SYNE1: variants seen among roughly 807,000 people sequenced by gnomAD.
SYNE1 encodes the protein nesprin-1.
SYNE1 carries 616 observed loss-of-function variants against 1,111.0 expected under a neutral mutation model. The observed-to-expected ratio is 0.55, with a 90% CI of 0.52 to 0.59. The LOEUF (loss-of-function observed/expected upper bound fraction) is 0.59, where lower values mean the gene tolerates loss of function less well. Among genes scored for constraint, SYNE1 ranks in the 20% least tolerant of loss-of-function variants. The pLI is 0.00. For synonymous variants in SYNE1, 3,855 were observed against 3,825.8 expected (o/e 1.01, Z -0.28); for missense variants, 10,006 against 10,417.0 (o/e 0.96, Z 1.72).
Position 152,350,626 on chromosome 6 carries a change from T to C in SYNE1, c.11725A>G (p.Ile3909Val). 3 of 1,614,220 alleles carry C rather than the reference T, an allele frequency of 1.9e-6. No individual in the cohort carries two copies. The South Asian group carries it at 3.3e-5, about 18-fold the overall frequency. Residue 3909 changes from isoleucine to valine, a missense_variant, in exon 71 of 146, where the codon ATA becomes GTA. Ile to Val is a conservative substitution (Grantham distance 29, BLOSUM62 3). Transcript: ENST00000367255. ...CTTTCATCTCTCCTTACCTTTCCTA[T>C]GCTGCACAGGTCCTGGTAATCACTT... ...LQSDYQDLCS[I>V]GKEHVFSLEA...
rs1290627597 is a variant in SYNE1 at position 152,254,863 on chromosome 6, G to A, written c.19470+17C>T. 6 of 1,606,798 alleles carry A rather than the reference G, an allele frequency of 3.7e-6. No homozygotes were observed. The East Asian group carries it at 1.1e-4, about 30-fold the overall frequency. ...CCTAGAGAATGGTCACGTATCCTTTGATAATATCTTACTTACCTGGAAATT... is the reference window on the plus strand; with the variant it reads ...CCTAGAGAATGGTCACGTATCCTTTAATAATATCTTACTTACCTGGAAATT... On this transcript the variant is annotated intron_variant, in intron 104 of 145. Transcript: ENST00000367255.
chr6:152,151,108 G>A (rs1396664109), intron 135 of SYNE1, among the ~76,000 whole-genome samples: 1 of 151,978 alleles, frequency 6.6e-6, no homozygotes, highest in Non-Finnish European at 1.5e-5. Flanking sequence ...TGTAATCTCA[G>A]CTCCTTGGCA....
chr6:152,604,998 AAGAAAGAAAG>A (rs1359778692), intron 3 of SYNE1, among the ~76,000 whole-genome samples: 169 of 26,860 alleles, frequency 6.3e-3, no homozygotes, highest in Middle Eastern at 0.025. Context: ...GAAAGAAAGA[AAGAAAGAAAG>A]AGAGAGAGAG....
chr6:152,361,472 C>T (rs992772553), intron 64 of SYNE1, among the ~76,000 whole-genome samples: 1 of 152,118 alleles, frequency 6.6e-6, no homozygotes, highest in African/African-American at 2.4e-5. Flanking sequence ...GGACCTAGTG[C>T]CAGATGCAAA....
chr6:152,330,797 A>C lies in SYNE1; in HGVS notation c.13888T>G (p.Leu4630Val). Residue 4630 changes from leucine (L) to valine (V), a missense_variant, in exon 78 of 146, where the codon TTA (leucine) becomes GTA (valine). This residue lies in a region of SYNE1 where 4,955 missense variants were observed against 5,017.2 expected (regional missense o/e 0.99). Coordinates refer to ENST00000367255, the MANE Select transcript of SYNE1 (RefSeq NM_182961.4). ...LTLQRTGQTI[L>V]PSLNEVDHSY... ...TGATCGACTTCATTCAGCGATGGTAATATGGTCTGCCCAGTTCTCTGCAGC... is the reference window on the plus strand; with the variant it reads ...TGATCGACTTCATTCAGCGATGGTACTATGGTCTGCCCAGTTCTCTGCAGC... 1 of 1,613,922 alleles carries C rather than the reference A, an allele frequency of 6.2e-7. No individual in the cohort carries two copies. The highest frequency in any genetic ancestry group is 8.5e-7 in the Non-Finnish European group (1 of 1,180,038).
intron 104 of SYNE1, among the ~76,000 whole-genome samples, chr6:152,251,607 A>T (rs2089281882): frequency 6.6e-6 from 1 of 151,546 alleles, no homozygotes; most frequent in African/African-American, 2.4e-5. Context: ...AAATACAAAA[A>T]AATTAGCCGG....
chr6:152,309,723 G>C (rs1261686881), intron 90 of SYNE1, 112 bp downstream of exon 90: 4 of 1,388,402 alleles, frequency 2.9e-6, no homozygotes, highest in Non-Finnish European at 4.0e-6. Context: ...ACAACAGCCT[G>C]TCAGATTCAA....
rs1442770999 is a variant in SYNE1 at position 152,369,461 on chromosome 6, G to A, written c.9651+10C>T. 6.2e-7 allele frequency: 1 copy of A among 1,614,066 alleles called. No homozygotes were observed. Among genetic ancestry groups the A allele is most frequent in the South Asian group, 1.1e-5 (1 of 91,074 alleles). ...GGTCAGATGGGGCTACGGGGAGGCGGGCTCATCACCTGGAGCTTCTGCTGC... is the reference window on the plus strand; with the variant it reads ...GGTCAGATGGGGCTACGGGGAGGCGAGCTCATCACCTGGAGCTTCTGCTGC... On this transcript the variant is annotated intron_variant, in intron 60 of 145. Coordinates refer to ENST00000367255, the MANE Select transcript of SYNE1 (RefSeq NM_182961.4).
chr6:152,235,861 C>T (rs1380159410), intron 110 of SYNE1, among the ~76,000 whole-genome samples: 1 of 152,148 alleles, frequency 6.6e-6, no homozygotes, highest in African/African-American at 2.4e-5. Context: ...CCCACTTCAG[C>T]CTCTCCAATA....
intron 10 of SYNE1, among the ~76,000 whole-genome samples, chr6:152,500,153 C>T (rs6557233): frequency 0.013 from 1,994 of 152,224 alleles, 41 homozygotes; most frequent in African/African-American, 0.045. Context: ...AAGGACTTCA[C>T]GTATAAAAAC....
chr6:152,497,729 C>T (rs978808701), intron 11 of SYNE1, among the ~76,000 whole-genome samples: 3 of 152,162 alleles, frequency 2.0e-5, no homozygotes, highest in South Asian at 2.1e-4. Flanking sequence ...AGAAGGATGT[C>T]GCTATTTATA....
At chr6:152,539,884 AT>A in intron 4 of SYNE1, 75 bp downstream of exon 4, 2 of 1,469,100 alleles carry the variant, frequency 1.4e-6, no homozygotes, top group South Asian at 2.3e-5. Context: ...GGACAGAAGC[AT>A]TTTGTTATAC....
intron 4 of SYNE1, among the ~76,000 whole-genome samples, chr6:152,530,465 A>G (rs1359532618): frequency 8.5e-6 from 1 of 117,724 alleles, no homozygotes; most frequent in African/African-American, 3.0e-5. Context: ...ACCTAATTGT[A>G]TGGTTTTTTT....
intron 8 of SYNE1, among the ~76,000 whole-genome samples, chr6:152,507,109 C>T (rs2099062073): frequency 6.6e-6 from 1 of 152,152 alleles, no homozygotes. Context: ...CAGCAGACAG[C>T]TGACAGTCAT....
intron 37 of SYNE1, 76 bp from the exon 38 acceptor site, chr6:152,427,892 G>A (rs916165102): frequency 2.5e-6 from 4 of 1,598,092 alleles, no homozygotes; most frequent in African/African-American, 1.3e-5. Context: ...TGAAGTTGGA[G>A]GGTCCAACAC....
Position 152,366,434 on chromosome 6 carries a change from A to G in SYNE1, c.9972+784T>C, listed in dbSNP as rs891929864. The stretch of plus-strand genomic sequence containing the variant: ...CCCAGTACTTTGGGAGGCCAAGGCA[A>G]GAAGATTGCTTGAGTTCAGGAGTTC... On this transcript the variant is annotated intron_variant, in intron 62 of 145. Transcript: ENST00000367255. Among the ~76,000 whole-genome samples, 8 of 152,152 alleles carry G rather than the reference A, an allele frequency of 5.3e-5. 1 individual carries two copies. Among genetic ancestry groups the G allele is most frequent in the South Asian group, 4.1e-4 (2 of 4,824 alleles).
At chr6:152,532,218 C>A (rs2099206313) in intron 4 of SYNE1, among the ~76,000 whole-genome samples, 1 of 152,052 alleles carries the variant, frequency 6.6e-6, no homozygotes, top group Non-Finnish European at 1.5e-5. Context: ...TATCATGCAG[C>A]TATAAAGTAG....
In SYNE1 at chr6:152,476,579, GA is replaced by G. The variant is rs527956673; in HGVS notation, c.1351-4167del. 1.5e-3 allele frequency among the ~76,000 whole-genome samples: 232 copies of G among 150,524 alleles called. 1 individual carries two copies. Among genetic ancestry groups the G allele is most frequent in the East Asian group, 0.013 (67 of 5,126 alleles). ...CATGAAAATACTGTCATTCCTTTGG[GA>G]AAAAAAAATGGGGCTGGGTGCTGCA... On this transcript the variant is annotated intron_variant, in intron 14 of 145. Coordinates refer to ENST00000367255, the MANE Select transcript of SYNE1 (RefSeq NM_182961.4).
chr6:152,244,039 G>C (rs994344148), intron 106 of SYNE1, among the ~76,000 whole-genome samples: 2 of 152,032 alleles, frequency 1.3e-5, no homozygotes, highest in African/African-American at 4.8e-5. Flanking sequence ...TGTTGTTGTT[G>C]TTCTAGAATT....
Sources: gnomAD v4.1 joint callset for allele counts (sites outside exome capture counted in the v4.1 genomes callset) on GRCh38, gnomAD v4.1.1 for gene constraint, gnomAD v4.1.1 regional missense constraint, MANE v1.5 for transcripts, NCBI Gene and HGNC (gene_info 2026-07-23, HGNC 2026-07-21) for gene names.